FAM135A: variants seen among roughly 807,000 people sequenced by gnomAD.
FAM135A encodes family with sequence similarity 135 member A, also known as protein FAM135A.
Under a neutral mutation model 146.8 loss-of-function variants are expected in FAM135A, and 79 were observed. That is an observed-to-expected ratio of 0.54 (90% CI 0.45 to 0.65). The LOEUF (loss-of-function observed/expected upper bound fraction) is 0.65, where lower values mean the gene tolerates loss of function less well. FAM135A is among the 30% of genes least tolerant of loss of function. The probability of loss-of-function intolerance (pLI) is 0.00; values close to 1 mark genes in which losing one functional copy is unlikely to be tolerated. For missense variants in FAM135A, 1,623 were observed against 1,758.2 expected (o/e 0.92, Z 1.38); for synonymous variants, 562 against 603.6 (o/e 0.93, Z 1.01).
chr6:70,496,286 T>G (rs1167839241), intron 11 of FAM135A, among the ~76,000 whole-genome samples: 1 of 152,224 alleles, frequency 6.6e-6, no homozygotes, highest in Non-Finnish European at 1.5e-5. Flanking sequence ...CATATGTTTG[T>G]TGGCCACATA....
chr6:70,428,147 T>A (rs1770641060), intron 3 of FAM135A, among the ~76,000 whole-genome samples, 157 bp from the exon 4 acceptor site: 1 of 152,208 alleles, frequency 6.6e-6, no homozygotes, highest in South Asian at 2.1e-4. Flanking sequence ...TACATTCTGG[T>A]CCTATTTAGT....
Position 70,462,546 on chromosome 6 carries a change from T to TA in FAM135A, c.157+9983dup, listed in dbSNP as rs35412277. ...TGATAATGTGTGGGGAAGGTCTTAA[T>TA]AAAAAAAAGTTCTCCATTTTGATAG... On this transcript the variant is annotated intron_variant, in intron 5 of 21. Transcript: ENST00000418814. 1.3e-4 allele frequency among the ~76,000 whole-genome samples: 20 copies of TA among 151,100 alleles called. No individual in the cohort carries two copies. In the South Asian group the frequency reaches 3.6e-3, roughly 27 times the overall value.
In FAM135A at chr6:70,536,361, C is replaced by G; in HGVS notation, c.4067C>G (p.Ser1356Cys). The change falls in exon 19 of 22, where the codon TCT becomes TGT. Residue 1356 changes from serine to cysteine, a missense_variant. Ser to Cys is a moderately radical substitution (Grantham distance 112). Coordinates refer to ENST00000418814, the MANE Select transcript of FAM135A (RefSeq NM_001162529.3). ...AAACTTCATACCTTTCTGTCTCTTT[C>G]TGGACCTCACCTTGGTACACTCTAC... The part of the protein sequence containing the change: ...LNKLHTFLSL[S>C]GPHLGTLYNS... 1 of 1,613,436 alleles carries G rather than the reference C, an allele frequency of 6.2e-7. No individual in the cohort carries two copies. Among genetic ancestry groups the G allele is most frequent in the Non-Finnish European group, 8.5e-7 (1 of 1,179,704 alleles).
intron 5 of FAM135A, among the ~76,000 whole-genome samples, chr6:70,457,088 G>A (rs746560618): frequency 7.2e-5 from 11 of 152,170 alleles, no homozygotes; most frequent in Non-Finnish European, 1.3e-4. Flanking sequence ...AGTGGATGCT[G>A]TGTTTTAAAG....
chr6:70,547,809 T>G (rs1006828228), intron 20 of FAM135A, among the ~76,000 whole-genome samples: 1 of 152,226 alleles, frequency 6.6e-6, no homozygotes, highest in Non-Finnish European at 1.5e-5. Flanking sequence ...ATGGAAGATT[T>G]AATCTTTTTC....
At chr6:70,444,850 A>C (rs1775346678) in intron 4 of FAM135A, among the ~76,000 whole-genome samples, 1 of 152,212 alleles carries the variant, frequency 6.6e-6, no homozygotes, top group Non-Finnish European at 1.5e-5. Flanking sequence ...GAGATTAAAA[A>C]ATTTTTTAAC....
chr6:70,554,413 A>G (rs1800435816), intron 20 of FAM135A, among the ~76,000 whole-genome samples: 1 of 152,236 alleles, frequency 6.6e-6, no homozygotes, highest in Admixed American at 6.5e-5. Context: ...AGCATTGTCT[A>G]GGTCATTGGT....
intron 12 of FAM135A, among the ~76,000 whole-genome samples, chr6:70,520,473 A>G (rs1793317210): frequency 6.6e-6 from 1 of 152,220 alleles, no homozygotes; most frequent in Non-Finnish European, 1.5e-5. Flanking sequence ...CAATTTGAAC[A>G]GCATTATTAG....
intron 10 of FAM135A, among the ~76,000 whole-genome samples, chr6:70,488,465 GCC>G (rs35342937): frequency 0.037 from 5,342 of 146,202 alleles, 111 homozygotes; most frequent in Non-Finnish European, 0.042. Flanking sequence ...TAAGAGCCAA[GCC>G]CCCCCCCCCA....
Position 70,525,068 on chromosome 6 carries a change from A to G in FAM135A, c.1984A>G (p.Ser662Gly), listed in dbSNP as rs1461090053. ...LGVRTIEIKP[S>G]NKDPFSGENI... ...AGTTAGAACAATTGAAATAAAGCCC[A>G]GTAATAAAGATCCTTTCAGTGGAGA... Residue 662 changes from serine (S) to glycine (G), a missense_variant, in exon 15 of 22, where the codon AGT (serine) becomes GGT (glycine). Physicochemically the swap from Ser to Gly is moderately conservative, Grantham distance 56. This residue lies in a region of FAM135A where 1,061 missense variants were observed against 1,113.8 expected (regional missense o/e 0.95). Coordinates refer to ENST00000418814, the MANE Select transcript of FAM135A (RefSeq NM_001162529.3). 4 of 1,583,898 alleles carry G rather than the reference A, an allele frequency of 2.5e-6. No homozygotes were observed. Among genetic ancestry groups the G allele is most frequent in the Non-Finnish European group, 1.7e-6 (2 of 1,169,834 alleles).
At chr6:70,534,114 A>G (rs570507798) in intron 18 of FAM135A, among the ~76,000 whole-genome samples, 1 of 152,106 alleles carries the variant, frequency 6.6e-6, no homozygotes, top group Admixed American at 6.6e-5. Context: ...TACAGGATAT[A>G]GGATTTCTTT....
intron 19 of FAM135A, among the ~76,000 whole-genome samples, chr6:70,537,542 C>T (rs1399674321): frequency 1.3e-5 from 2 of 152,216 alleles, no homozygotes; most frequent in South Asian, 2.1e-4. Context: ...CAACATGAAT[C>T]GAATGTAGTA....
chr6:70,432,714 A>C (rs1011076862), intron 4 of FAM135A, among the ~76,000 whole-genome samples: 8 of 151,852 alleles, frequency 5.3e-5, no homozygotes, highest in African/African-American at 1.9e-4. Context: ...AATTGATTAT[A>C]TCTCTTTTTT....
intron 16 of FAM135A, among the ~76,000 whole-genome samples, chr6:70,532,484 T>A (rs981070812): frequency 3.3e-5 from 5 of 152,214 alleles, no homozygotes; most frequent in Non-Finnish European, 7.3e-5. Flanking sequence ...AAATCTAAAA[T>A]GCATTCACAG....
chr6:70,460,676 T>C (rs938042242), intron 5 of FAM135A, among the ~76,000 whole-genome samples: 2 of 152,096 alleles, frequency 1.3e-5, no homozygotes, highest in African/African-American at 4.8e-5. Context: ...CTAAGAATAT[T>C]TTTCTGAAAA....
chr6:70,435,541 T>G (rs2127855537), intron 4 of FAM135A, among the ~76,000 whole-genome samples: 1 of 151,660 alleles, frequency 6.6e-6, no homozygotes, highest in African/African-American at 2.4e-5. Flanking sequence ...TTTTTTGAGA[T>G]GGAGTTTCGC....
At position 70,523,977 on chromosome 6, in the gene FAM135A, C is replaced by G; in HGVS notation, c.1114C>G (p.His372Asp). ...IAYQELHAQSHLQMCTAIKNT... is the reference protein window; with the variant it reads ...IAYQELHAQSDLQMCTAIKNT... ...AGAAATATTTTTCAGTGCTCAGAGTCATCTACAGATGTGCACCGCTATCAA... is the reference window on the plus strand; with the variant it reads ...AGAAATATTTTTCAGTGCTCAGAGTGATCTACAGATGTGCACCGCTATCAA... The change falls in exon 14 of 22, where the codon CAT (histidine) becomes GAT (aspartate). Residue 372 changes from histidine to aspartate, a missense_variant. Coordinates refer to ENST00000418814, the MANE Select transcript of FAM135A (RefSeq NM_001162529.3). 1 of 1,608,746 alleles carries G rather than the reference C, an allele frequency of 6.2e-7. No homozygotes were observed. The highest frequency in any genetic ancestry group is 1.1e-5 in the South Asian group (1 of 89,932).
At chr6:70,515,218 A>G (rs910269565) in intron 12 of FAM135A, among the ~76,000 whole-genome samples, 1 of 152,226 alleles carries the variant, frequency 6.6e-6, no homozygotes, top group Admixed American at 6.5e-5. Flanking sequence ...TTCTTACAAA[A>G]CTGAACATAC....
chr6:70,532,192 T>C (rs753645533), intron 16 of FAM135A, among the ~76,000 whole-genome samples: 3 of 152,102 alleles, frequency 2.0e-5, no homozygotes, highest in Non-Finnish European at 4.4e-5. Flanking sequence ...TGATTTCTTA[T>C]CCTTCTTAGT....
Sources: gnomAD v4.1 joint callset for allele counts (sites outside exome capture counted in the v4.1 genomes callset) on GRCh38, gnomAD v4.1.1 for gene constraint, gnomAD v4.1.1 regional missense constraint, MANE v1.5 for transcripts, NCBI Gene and HGNC (gene_info 2026-07-23, HGNC 2026-07-21) for gene names.